RUNDC3B: variants seen among roughly 807,000 people sequenced by gnomAD.
The protein encoded by RUNDC3B is RUN domain containing 3B, also known as RUN domain-containing protein 3B.
In RUNDC3B, 33 loss-of-function variants were observed where a neutral mutation model predicts 58.4. That is an observed-to-expected ratio of 0.56 (90% CI 0.43 to 0.75). RUNDC3B has a LOEUF of 0.75. Among genes scored for constraint, RUNDC3B ranks in the 30% least tolerant of loss-of-function variants. The probability of loss-of-function intolerance (pLI) is 0.00; values close to 1 mark genes in which losing one functional copy is unlikely to be tolerated. For synonymous variants in RUNDC3B, 193 were observed against 195.2 expected, an observed-to-expected ratio of 0.99 and a Z score of 0.10; for missense variants, 501 against 535.7, an observed-to-expected ratio of 0.94 and a Z score of 0.64.
intron 4 of RUNDC3B, among the ~76,000 whole-genome samples, chr7:87,734,674 C>T (rs187911951): frequency 6.6e-5 from 10 of 152,274 alleles, no homozygotes; most frequent in African/African-American, 2.4e-4. Context: ...GAGTCACTCT[C>T]TTACCCACTC....
At chr7:87,775,695 A>C (rs1297698717) in intron 7 of RUNDC3B, among the ~76,000 whole-genome samples, 1 of 152,114 alleles carries the variant, frequency 6.6e-6, no homozygotes, top group Non-Finnish European at 1.5e-5. Context: ...CTTTTATACC[A>C]TATTTTTACT....
chr7:87,825,907 T>A (rs1837779761), intron 10 of RUNDC3B, among the ~76,000 whole-genome samples: 1 of 152,222 alleles, frequency 6.6e-6, no homozygotes, highest in Non-Finnish European at 1.5e-5. Flanking sequence ...CAGCTGTATC[T>A]ACCCAGTTCC....
intron 10 of RUNDC3B, among the ~76,000 whole-genome samples, chr7:87,821,092 G>C (rs562174116): frequency 1.3e-5 from 2 of 151,054 alleles, no homozygotes; most frequent in South Asian, 4.2e-4. Flanking sequence ...AAAAGAGGAA[G>C]TCAAATTGTC....
intron 9 of RUNDC3B, among the ~76,000 whole-genome samples, chr7:87,812,478 T>C (rs2130943162): frequency 6.6e-6 from 1 of 152,204 alleles, no homozygotes; most frequent in East Asian, 1.9e-4. Flanking sequence ...GCATGGTGGC[T>C]GACACCTATA....
rs1430415147 is a variant in RUNDC3B at position 87,628,580 on chromosome 7, C to CGTGTGTGTGT, written c.-241_-240insTGTGTGTGTG. ...GCGCCGAGGGCGGAGGTGGTGCGTG[C>CGTGTGTGTGT]GTGCGTGTGTGTGTGTGTGTGTGTG... On this transcript the variant is annotated 5_prime_UTR_variant, in exon 1 of 11. Coordinates refer to ENST00000394654, the MANE Select transcript of RUNDC3B (RefSeq NM_001134405.2). The CGTGTGTGTGT allele has an allele frequency of 7.5e-5, 22 of 292,840 alleles. No homozygotes were observed. Among genetic ancestry groups the CGTGTGTGTGT allele is most frequent in the African/African-American group, 3.2e-4 (10 of 31,620 alleles). The allele number at this position is 292,840 out of a possible 1,614,324, so 18.1% of individuals were successfully genotyped here. A position where few individuals can be genotyped will look rare whatever the true frequency, so the allele number is the denominator to read the frequency against.
chr7:87,815,350 C>A (rs887176489), intron 9 of RUNDC3B, among the ~76,000 whole-genome samples: 3 of 152,034 alleles, frequency 2.0e-5, no homozygotes, highest in African/African-American at 7.2e-5. Flanking sequence ...AAAACATATT[C>A]TTTCCCTAGA....
intron 4 of RUNDC3B, among the ~76,000 whole-genome samples, chr7:87,731,513 CTACAAGA>C (rs1831575480): frequency 6.6e-6 from 1 of 152,044 alleles, no homozygotes; most frequent in Non-Finnish European, 1.5e-5. Context: ...ATTATGTTGC[CTACAAGA>C]AACATATTTC....
intron 4 of RUNDC3B, among the ~76,000 whole-genome samples, chr7:87,722,308 C>T (rs1240005321): frequency 6.6e-6 from 1 of 151,878 alleles, no homozygotes; most frequent in Non-Finnish European, 1.5e-5. Flanking sequence ...AAATCTTATT[C>T]CTCTTCCCTA....
chr7:87,660,369 T>C (rs1244034006), intron 2 of RUNDC3B, among the ~76,000 whole-genome samples: 1 of 152,114 alleles, frequency 6.6e-6, no homozygotes, highest in African/African-American at 2.4e-5. Flanking sequence ...TTCTATCCCA[T>C]ATACTCTCAA....
chr7:87,727,789 G>A (rs1478777088), intron 4 of RUNDC3B, among the ~76,000 whole-genome samples: 1 of 152,110 alleles, frequency 6.6e-6, no homozygotes, highest in South Asian at 2.1e-4. Flanking sequence ...ACTGTAATGA[G>A]TATGACACAT....
chr7:87,642,808 G>A (rs1034714919), intron 1 of RUNDC3B, among the ~76,000 whole-genome samples: 1 of 152,056 alleles, frequency 6.6e-6, no homozygotes, highest in African/African-American at 2.4e-5. Context: ...TAATAATATA[G>A]TATTTCCATT....
intron 2 of RUNDC3B, among the ~76,000 whole-genome samples, chr7:87,678,154 T>C (rs903111966): frequency 1.3e-5 from 2 of 152,214 alleles, no homozygotes; most frequent in Non-Finnish European, 2.9e-5. Flanking sequence ...GCAGAGTTTT[T>C]CTCCTCTATT....
chr7:87,732,227 C>T (rs10259182), intron 4 of RUNDC3B, among the ~76,000 whole-genome samples: 11,887 of 151,950 alleles, frequency 0.078, 487 homozygotes, highest in African/African-American at 0.1. Context: ...GGAAACACAA[C>T]ATATCAAAAC....
At chr7:87,817,019 T>A (rs1010962323) in intron 10 of RUNDC3B, among the ~76,000 whole-genome samples, 6 of 152,186 alleles carry the variant, frequency 3.9e-5, no homozygotes, top group African/African-American at 1.4e-4. Context: ...CTTTCTTTCC[T>A]CCCAGTTTAC....
intron 6 of RUNDC3B, among the ~76,000 whole-genome samples, chr7:87,768,738 T>C (rs1834110352): frequency 6.6e-6 from 1 of 152,168 alleles, no homozygotes. Context: ...TCTTGCTGCC[T>C]TCCTTTTCTG....
intron 2 of RUNDC3B, among the ~76,000 whole-genome samples, chr7:87,659,938 A>G (rs1420593074): frequency 6.6e-6 from 1 of 152,130 alleles, no homozygotes; most frequent in Non-Finnish European, 1.5e-5. Flanking sequence ...TAAATCACCT[A>G]AATATTCTTA....
intron 6 of RUNDC3B, among the ~76,000 whole-genome samples, chr7:87,749,589 A>C (rs1265244808): frequency 6.6e-6 from 1 of 152,228 alleles, no homozygotes; most frequent in Non-Finnish European, 1.5e-5. Context: ...AATCGCATCC[A>C]CAGAAATATA....
In RUNDC3B at chr7:87,703,982, A is replaced by G. The variant is rs1259737425; in HGVS notation, c.372+3428A>G. ...GTCGCCCAGGCTGGAGTGCAAAGGT[A>G]CGATCTCAGCTCACTGCAACCTCCA... is the stretch of plus-strand genomic sequence containing the variant. On this transcript the variant is annotated intron_variant, in intron 3 of 10. Coordinates refer to ENST00000394654, the MANE Select transcript of RUNDC3B (RefSeq NM_001134405.2). 2.7e-4 allele frequency among the ~76,000 whole-genome samples: 31 copies of G among 113,628 alleles called. 1 individual carries two copies. The highest frequency in any genetic ancestry group is 3.5e-4 in the Non-Finnish European group (21 of 60,462). The allele number at this position is 113,628 out of a possible 152,430, so 74.5% of individuals were successfully genotyped here.
At chr7:87,771,456 T>G (rs1034198453) in intron 7 of RUNDC3B, among the ~76,000 whole-genome samples, 3 of 152,088 alleles carry the variant, frequency 2.0e-5, no homozygotes, top group African/African-American at 7.2e-5. Context: ...TGAAGAAAAC[T>G]TTTCATGCGC....
Sources: gnomAD v4.1 joint callset for allele counts (sites outside exome capture counted in the v4.1 genomes callset) on GRCh38, gnomAD v4.1.1 for gene constraint, MANE v1.5 for transcripts, NCBI Gene and HGNC (gene_info 2026-07-23, HGNC 2026-07-21) for gene names.